Variants in NXPE2 observed in about 807,000 individuals in gnomAD.
NXPE2 encodes the protein neurexophilin and PC-esterase domain family member 2, also known as NXPE family member 2.
NXPE2 carries 34 observed loss-of-function variants against 34.4 expected under a neutral mutation model. The observed-to-expected ratio is 0.99, with a 90% confidence interval of 0.75 to 1.31. The LOEUF (loss-of-function observed/expected upper bound fraction) is 1.31, where lower values mean the gene tolerates loss of function less well. NXPE2 is among the 40% of genes most tolerant of loss of function. The pLI, the probability that NXPE2 is intolerant of heterozygous loss-of-function variation, is 0.00. For missense variants in NXPE2, 649 were observed against 672.5 expected (o/e 0.97, Z 0.39); for synonymous variants, 235 against 231.3 (o/e 1.02, Z -0.15).
chr11:114,721,305 A>G, the NXPE2 span, among the ~76,000 whole-genome samples: 14 of 151,640 alleles, frequency 9.2e-5, no homozygotes, highest in African/African-American at 3.1e-4. Context: ...CTCAGGGAGC[A>G]ATACATGATC....
the NXPE2 span, among the ~76,000 whole-genome samples, chr11:114,736,900 T>C: frequency 6.6e-6 from 1 of 152,188 alleles, no homozygotes; most frequent in Non-Finnish European, 1.5e-5. Flanking sequence ...GTCCCTGACT[T>C]CCCGCAACAG....
the NXPE2 span, among the ~76,000 whole-genome samples, chr11:114,614,254 A>T: frequency 9.9e-5 from 15 of 151,912 alleles, no homozygotes; most frequent in Non-Finnish European, 1.9e-4. Flanking sequence ...TACCCTGTGG[A>T]TAGTAAGTAT....
chr11:114,464,516 A>C, the NXPE2 span, among the ~76,000 whole-genome samples: 1 of 152,228 alleles, frequency 6.6e-6, no homozygotes, highest in African/African-American at 2.4e-5. Context: ...ACCCCATTGT[A>C]ATTCAATAGT....
At chr11:114,609,138 T>C in the NXPE2 span, among the ~76,000 whole-genome samples, 24,332 of 151,654 alleles carry the variant, frequency 0.16, 2,378 homozygotes, top group Non-Finnish European at 0.22. Context: ...TAATAAGTAT[T>C]GCCTCGTGGG....
the NXPE2 span, among the ~76,000 whole-genome samples, chr11:114,519,978 A>AT: frequency 5.0e-5 from 5 of 99,502 alleles, no homozygotes; most frequent in African/African-American, 1.4e-4. Flanking sequence ...TTGCCCGCTA[A>AT]TTTTTTTTTG....
chr11:114,618,215 G>A, the NXPE2 span, among the ~76,000 whole-genome samples: 1 of 152,076 alleles, frequency 6.6e-6, no homozygotes, highest in East Asian at 1.9e-4. Context: ...GGTCACCACT[G>A]TTACCCGGAG....
the NXPE2 span, among the ~76,000 whole-genome samples, chr11:114,623,021 G>A: frequency 7.2e-5 from 11 of 151,988 alleles, no homozygotes; most frequent in African/African-American, 1.9e-4. Flanking sequence ...GTTGCCTTGC[G>A]GGAAACCCCT....
the NXPE2 span, among the ~76,000 whole-genome samples, chr11:114,576,103 G>A: frequency 8.0e-3 from 1,212 of 152,116 alleles, 22 homozygotes; most frequent in African/African-American, 0.026. Flanking sequence ...AGTAGGGGAA[G>A]AACACCCTGT....
At chr11:114,620,267 C>T in the NXPE2 span, among the ~76,000 whole-genome samples, 65,406 of 151,818 alleles carry the variant, frequency 0.43, 15,291 homozygotes, top group African/African-American at 0.61. Context: ...TGGGTAACTA[C>T]GGTTACCCGG....
At chr11:114,809,086 C>T in the NXPE2 span, among the ~76,000 whole-genome samples, 3 of 151,992 alleles carry the variant, frequency 2.0e-5, no homozygotes, top group African/African-American at 7.3e-5. Flanking sequence ...GAACCAAAGA[C>T]AAAAACCACA....
the NXPE2 span, among the ~76,000 whole-genome samples, chr11:114,552,492 A>G: frequency 8.3e-3 from 1,269 of 152,204 alleles, 18 homozygotes; most frequent in African/African-American, 0.029. Context: ...TAATTTCAAA[A>G]CAGAATCCCG....
chr11:114,693,359 T>C (rs1951188329), intron 2 of NXPE2, among the ~76,000 whole-genome samples: 2 of 152,192 alleles, frequency 1.3e-5, no homozygotes, highest in African/African-American at 4.8e-5. Context: ...CACAAAGTGG[T>C]TGATGAACTC....
rs114795348 is a variant in NXPE2, at chr11:114,697,271, A to G, written c.133-774A>G. The stretch of plus-strand genomic sequence containing the variant: ...TCCTTTTACGAGAAGAAAAGGGGAA[A>G]ACACACACAGAGGGGAGGATTACAT... On this transcript the variant is annotated intron_variant, in intron 2 of 5. Transcript: ENST00000389586. Among the ~76,000 whole-genome samples the G allele has an allele frequency of 5.1e-3, 777 of 152,300 alleles. 14 individuals are homozygous for G. Among genetic ancestry groups the G allele is most frequent in the African/African-American group, 0.017 (719 of 41,554 alleles).
chr11:114,738,704 G>T, the NXPE2 span, among the ~76,000 whole-genome samples: 1 of 152,178 alleles, frequency 6.6e-6, no homozygotes, highest in Non-Finnish European at 1.5e-5. Context: ...GTCAGTGATG[G>T]TTACGTTAAC....
At chr11:114,779,501 G>T in the NXPE2 span, among the ~76,000 whole-genome samples, 17 of 150,046 alleles carry the variant, frequency 1.1e-4, no homozygotes, top group Non-Finnish European at 2.1e-4. Context: ...CGGAAGAGCC[G>T]CAGCATCCCA....
At chr11:114,529,973 AAC>A in the NXPE2 span, 9 of 534,642 alleles carry the variant, frequency 1.7e-5, no homozygotes, top group African/African-American at 1.1e-4. Context: ...GTTATAGCAA[AAC>A]ACATGACTGA....
At chr11:114,611,798 G>A in the NXPE2 span, among the ~76,000 whole-genome samples, 6 of 151,890 alleles carry the variant, frequency 4.0e-5, no homozygotes, top group African/African-American at 1.5e-4. Flanking sequence ...AATAAGTGTT[G>A]CCTCTTGGGA....
chr11:114,754,703 G>A, the NXPE2 span, among the ~76,000 whole-genome samples: 1 of 150,248 alleles, frequency 6.7e-6, no homozygotes, highest in African/African-American at 2.5e-5. Context: ...GCCAGGGAGT[G>A]AGAGCTCCAG....
the NXPE2 span, among the ~76,000 whole-genome samples, chr11:114,769,815 T>C: frequency 1.3e-5 from 2 of 151,862 alleles, no homozygotes; most frequent in Non-Finnish European, 2.9e-5. Flanking sequence ...GCCTGTCGGG[T>C]TGGGGGGCTA....
Sources: gnomAD v4.1 joint callset for allele counts (sites outside exome capture counted in the v4.1 genomes callset) on GRCh38, gnomAD v4.1.1 for gene constraint, MANE v1.5 for transcripts, NCBI Gene and HGNC (gene_info 2026-07-23, HGNC 2026-07-21) for gene names.